The following MARCHF1 variants were observed in gnomAD, a reference collection of about 807,000 sequenced individuals.
The protein encoded by MARCHF1 is E3 ubiquitin-protein ligase MARCHF1.
A neutral mutation model predicts 54.2 loss-of-function variants in MARCHF1; 40 were observed. That is an observed-to-expected ratio of 0.74 (90% confidence interval 0.57 to 0.96). The LOEUF (loss-of-function observed/expected upper bound fraction) is 0.96. Ranked by LOEUF, MARCHF1 falls within the 40% of genes least tolerant of loss-of-function variation. MARCHF1 has a pLI of 0.00. For synonymous variants in MARCHF1, 236 were observed against 236.3 expected, an observed-to-expected ratio of 1.00 and a Z score of 0.01; for missense variants, 586 against 656.5, an observed-to-expected ratio of 0.89 and a Z score of 1.17.
chr4:163,692,514 G>A (rs966776505), intron 5 of MARCHF1, among the ~76,000 whole-genome samples: 5 of 152,142 alleles, frequency 3.3e-5, no homozygotes, highest in Admixed American at 6.5e-5. Context: ...AAGTCAGTGT[G>A]TCTGGACATG....
rs181250549 is a variant in MARCHF1 at position 164,267,817 on chromosome 4, C to T, written c.-323+116053G>A. ...GAGAGCCAGCAAATAAATTTCCCTA[C>T]GGTCTCAGCTCTGAGTGGACAGAGA... On this transcript the variant is annotated intron_variant, in intron 1 of 9. Coordinates refer to ENST00000514618, the MANE Select transcript of MARCHF1 (RefSeq NM_001394959.1). 2.2e-3 allele frequency among the ~76,000 whole-genome samples: 328 copies of T among 152,218 alleles called. 1 individual carries two copies. The highest frequency in any genetic ancestry group is 3.9e-3 in the Non-Finnish European group (268 of 67,998).
chr4:163,758,903 G>A (rs1579262703), intron 4 of MARCHF1, among the ~76,000 whole-genome samples: 1 of 152,114 alleles, frequency 6.6e-6, no homozygotes, highest in South Asian at 2.1e-4. Context: ...ATTCACTTAT[G>A]AAATTTGGAA....
chr4:163,620,638 GAGAGAGAGAC>G (rs1741660958), intron 5 of MARCHF1, among the ~76,000 whole-genome samples: 3 of 117,608 alleles, frequency 2.6e-5, no homozygotes, highest in Non-Finnish European at 5.3e-5. Context: ...GAGAGAGAGA[GAGAGAGAGAC>G]ACGCACACAC....
At chr4:163,941,959 A>G (rs112584767) in intron 3 of MARCHF1, among the ~76,000 whole-genome samples, 136 of 152,270 alleles carry the variant, frequency 8.9e-4, no homozygotes, top group Admixed American at 1.8e-3. Flanking sequence ...AGCCAAAAGA[A>G]CTTTCTTCTC....
chr4:163,911,281 ATGG>A (rs1367503498), intron 3 of MARCHF1, among the ~76,000 whole-genome samples: 2 of 152,152 alleles, frequency 1.3e-5, no homozygotes, highest in Middle Eastern at 3.2e-3. Context: ...CTGCACATAC[ATGG>A]TATTGCATCT....
intron 1 of MARCHF1, among the ~76,000 whole-genome samples, chr4:164,179,290 T>A (rs554974852): frequency 1.2e-4 from 19 of 152,312 alleles, no homozygotes; most frequent in African/African-American, 4.6e-4. Context: ...TAGTAAACTC[T>A]TATTAAGCTA....
intron 4 of MARCHF1, among the ~76,000 whole-genome samples, chr4:163,770,909 G>A (rs934366947): frequency 6.6e-6 from 1 of 152,168 alleles, no homozygotes; most frequent in African/African-American, 2.4e-5. Context: ...TTAACAAACA[G>A]TAAGTTATTG....
At chr4:163,718,355 A>C (rs565090303) in intron 4 of MARCHF1, among the ~76,000 whole-genome samples, 3 of 152,362 alleles carry the variant, frequency 2.0e-5, no homozygotes, top group Admixed American at 2.0e-4. Context: ...CTACCATCAG[A>C]GTGAACAGGC....
At chr4:164,153,966 G>C (rs1730009738) in intron 1 of MARCHF1, among the ~76,000 whole-genome samples, 1 of 152,142 alleles carries the variant, frequency 6.6e-6, no homozygotes, top group Admixed American at 6.5e-5. Flanking sequence ...AGCCAGAGAA[G>C]TGTCATTGCT....
chr4:163,855,701 T>C (rs1468563046), intron 3 of MARCHF1, among the ~76,000 whole-genome samples: 1 of 152,184 alleles, frequency 6.6e-6, no homozygotes, highest in Non-Finnish European at 1.5e-5. Context: ...GTACTTATAA[T>C]AAAATGCTAA....
intron 4 of MARCHF1, among the ~76,000 whole-genome samples, chr4:163,768,908 A>G (rs1561067362): frequency 2.0e-5 from 3 of 152,156 alleles, no homozygotes; most frequent in Non-Finnish European, 4.4e-5. Context: ...TTGAATTGAT[A>G]TGCAACCATT....
chr4:163,768,231 T>C (rs1747048265), intron 4 of MARCHF1, among the ~76,000 whole-genome samples: 1 of 152,184 alleles, frequency 6.6e-6, no homozygotes, highest in Non-Finnish European at 1.5e-5. Flanking sequence ...TCAATTTAAC[T>C]TCTCCTTCTC....
chr4:164,022,110 T>G (rs1376041562), intron 2 of MARCHF1, among the ~76,000 whole-genome samples: 1 of 152,178 alleles, frequency 6.6e-6, no homozygotes, highest in Admixed American at 6.5e-5. Flanking sequence ...CAATATATTG[T>G]CATTATTTTT....
chr4:163,564,725 A>G (rs1739587581), intron 8 of MARCHF1, among the ~76,000 whole-genome samples: 1 of 152,204 alleles, frequency 6.6e-6, no homozygotes, highest in African/African-American at 2.4e-5. Context: ...AGCTCTTTCA[A>G]TCTTCAAACT....
chr4:163,801,345 A>G (rs929885692), intron 4 of MARCHF1, among the ~76,000 whole-genome samples: 3 of 152,096 alleles, frequency 2.0e-5, no homozygotes. Flanking sequence ...CCAAATGCCA[A>G]GAACAGAATG....
At chr4:164,382,825 C>G (rs1345229217) in intron 1 of MARCHF1, among the ~76,000 whole-genome samples, 1 of 152,154 alleles carries the variant, frequency 6.6e-6, no homozygotes, top group Non-Finnish European at 1.5e-5. Flanking sequence ...GGTACCTGAG[C>G]AGGTTCAGAA....
At chr4:163,886,325 ATAG>A (rs2111256608) in intron 3 of MARCHF1, among the ~76,000 whole-genome samples, 1 of 147,104 alleles carries the variant, frequency 6.8e-6, no homozygotes, top group Non-Finnish European at 1.5e-5. Flanking sequence ...AGATAGATAG[ATAG>A]ATAGATAGAT....
At chr4:163,673,251 C>G (rs17577188) in intron 5 of MARCHF1, among the ~76,000 whole-genome samples, 6,723 of 152,206 alleles carry the variant, frequency 0.044, 191 homozygotes, top group Middle Eastern at 0.075. Flanking sequence ...GATTTTTACT[C>G]AATATTAGCC....
intron 1 of MARCHF1, among the ~76,000 whole-genome samples, chr4:164,174,471 T>C (rs540975898): frequency 2.6e-5 from 4 of 152,264 alleles, no homozygotes; most frequent in South Asian, 2.1e-4. Context: ...GTGATGTTGC[T>C]CAGAAAACAG....
Sources: gnomAD v4.1 joint callset for allele counts (sites outside exome capture counted in the v4.1 genomes callset) on GRCh38, gnomAD v4.1.1 for gene constraint, MANE v1.5 for transcripts, NCBI Gene and HGNC (gene_info 2026-07-23, HGNC 2026-07-21) for gene names.